MAP2: variants seen among roughly 807,000 people sequenced by gnomAD.
The protein encoded by MAP2 is microtubule-associated protein 2.
A neutral mutation model predicts 137.6 loss-of-function variants in MAP2; 14 were observed. That is an observed-to-expected ratio of 0.10 (90% CI 0.07 to 0.16). MAP2 has a LOEUF of 0.16. Among genes scored for constraint, MAP2 ranks in the 10% least tolerant of loss-of-function variants. The pLI is 1.00. For synonymous variants in MAP2, 786 were observed against 782.3 expected (o/e 1.00, Z -0.08); for missense variants, 2,088 against 2,191.5 (o/e 0.95, Z 0.94).
rs774107287 is a variant in MAP2, at chr2:209,653,316, C to G, written c.146C>G (p.Pro49Arg). Residue 49 changes from proline to arginine, a missense_variant, in exon 5 of 16, where the codon CCA becomes CGA. Coordinates refer to ENST00000682079, the MANE Select transcript of MAP2 (RefSeq NM_001375505.1). ...EGLVRSANGF[P>R]YREDEEGAFG... is the part of the protein sequence containing the mutation. Reference sequence around the variant, plus strand: ...CTTGTCCGAAGCGCCAATGGATTCCCATACAGGGAGGATGAAGAGGGTGCC... The same window carrying G: ...CTTGTCCGAAGCGCCAATGGATTCCGATACAGGGAGGATGAAGAGGGTGCC... The G allele has an allele frequency of 6.2e-7, 1 of 1,614,106 alleles. No homozygotes were observed. Among genetic ancestry groups the G allele is most frequent in the Non-Finnish European group, 8.5e-7 (1 of 1,180,016 alleles).
Position 209,715,952 on chromosome 2 carries a change from TC to T in MAP2, c.5073+5700del, listed in dbSNP as rs2067416168. ...TCCTCTCACTTTCTCTCATCCCATA[TC>T]CTAACCATCTGATTTTGTGCCCTGA... On this transcript the variant is annotated intron_variant, in intron 13 of 15. Coordinates refer to ENST00000682079, the MANE Select transcript of MAP2 (RefSeq NM_001375505.1). 2.0e-5 allele frequency among the ~76,000 whole-genome samples: 3 copies of T among 152,322 alleles called. No individual in the cohort carries two copies. In the South Asian group the frequency reaches 6.2e-4, roughly 32 times the overall value.
intron 5 of MAP2, among the ~76,000 whole-genome samples, chr2:209,665,012 CTG>C (rs2045663973): frequency 7.8e-6 from 1 of 127,654 alleles, no homozygotes; most frequent in Admixed American, 7.9e-5. Context: ...GAAAGGAAAA[CTG>C]AGAATGAAGA....
chr2:209,699,545 T>C (rs2061210427), intron 10 of MAP2, among the ~76,000 whole-genome samples: 2 of 152,150 alleles, frequency 1.3e-5, no homozygotes, highest in African/African-American at 4.8e-5. Context: ...GAGTTTAAAA[T>C]TGAATCCAGA....
intron 13 of MAP2, among the ~76,000 whole-genome samples, chr2:209,724,012 C>T (rs1271097151): frequency 1.3e-5 from 2 of 152,132 alleles, no homozygotes; most frequent in African/African-American, 4.8e-5. Flanking sequence ...TATTTTCTCA[C>T]GTTGTTTCTA....
intron 1 of MAP2, among the ~76,000 whole-genome samples, chr2:209,434,521 C>T (rs1009250040): frequency 1.6e-4 from 24 of 151,668 alleles, no homozygotes; most frequent in Non-Finnish European, 2.9e-4. Flanking sequence ...ATATAAGGAT[C>T]TTCCAGACTT....
chr2:209,560,410 C>A (rs1194504553), intron 2 of MAP2, among the ~76,000 whole-genome samples: 1 of 151,282 alleles, frequency 6.6e-6, no homozygotes, highest in Non-Finnish European at 1.5e-5. Context: ...CATATAACTT[C>A]TTTTATTTTC....
At chr2:209,722,028 A>T (rs567156567) in intron 13 of MAP2, 7 of 152,174 alleles carry the variant, frequency 4.6e-5, no homozygotes, top group Non-Finnish European at 7.3e-5. Flanking sequence ...AAATAAAATG[A>T]TTTGCCTTTA....
At chr2:209,459,349 C>T (rs1287030378) in intron 1 of MAP2, among the ~76,000 whole-genome samples, 1 of 152,186 alleles carries the variant, frequency 6.6e-6, no homozygotes, top group Non-Finnish European at 1.5e-5. Flanking sequence ...ATCTTAAGTG[C>T]TTGTCCAATG....
At chr2:209,546,067 C>A (rs937839041) in intron 2 of MAP2, among the ~76,000 whole-genome samples, 1 of 152,066 alleles carries the variant, frequency 6.6e-6, no homozygotes, top group African/African-American at 2.4e-5. Context: ...GGCGTGAACC[C>A]GGGAGGCAGA....
At chr2:209,543,941 A>G (rs113535199) in intron 2 of MAP2, among the ~76,000 whole-genome samples, 25 of 152,266 alleles carry the variant, frequency 1.6e-4, no homozygotes, top group African/African-American at 6.0e-4. Flanking sequence ...TAAAAAGGAA[A>G]AAAACAGGCC....
intron 2 of MAP2, among the ~76,000 whole-genome samples, chr2:209,573,356 C>T (rs1373320075): frequency 6.5e-4 from 94 of 143,830 alleles, no homozygotes; most frequent in African/African-American, 2.4e-3. Flanking sequence ...TGCAGTGGCA[C>T]GATCTCGGCT....
chr2:209,663,511 C>T (rs561934981), intron 5 of MAP2, among the ~76,000 whole-genome samples: 1 of 152,268 alleles, frequency 6.6e-6, no homozygotes, highest in African/African-American at 2.4e-5. Flanking sequence ...AAACATATGT[C>T]ATAGGTTGTC....
At chr2:209,447,815 A>G (rs1699434112) in intron 1 of MAP2, among the ~76,000 whole-genome samples, 2 of 152,058 alleles carry the variant, frequency 1.3e-5, no homozygotes, top group East Asian at 1.9e-4. Context: ...AGATAACTCC[A>G]TGCCCTAGCT....
At chr2:209,566,635 A>T (rs1433598351) in intron 2 of MAP2, among the ~76,000 whole-genome samples, 1 of 152,124 alleles carries the variant, frequency 6.6e-6, no homozygotes, top group Non-Finnish European at 1.5e-5. Flanking sequence ...TTTTCAAGTG[A>T]TGTACAAATA....
At chr2:209,495,219 C>A (rs781479854) in intron 1 of MAP2, among the ~76,000 whole-genome samples, 4 of 152,176 alleles carry the variant, frequency 2.6e-5, no homozygotes, top group African/African-American at 4.8e-5. Flanking sequence ...CATCTCCCGG[C>A]GACAGAGCAC....
chr2:209,678,824 TG>T, intron 6 of MAP2, 139 bp downstream of exon 6: 2 of 466,654 alleles, frequency 4.3e-6, no homozygotes, highest in Non-Finnish European at 3.8e-6. Context: ...TGACTGGGTA[TG>T]CACTAGGACC....
At position 209,696,702 on chromosome 2, in the gene MAP2, A is replaced by C; in HGVS notation, c.4341A>C (p.Lys1447Asn). 1 of 1,614,084 alleles carries C rather than the reference A, an allele frequency of 6.2e-7. No homozygotes were observed. Among genetic ancestry groups the C allele is most frequent in the East Asian group, 2.2e-5 (1 of 44,842 alleles). Residue 1447 changes from lysine to asparagine, a missense_variant, in exon 9 of 16, where the codon AAA becomes AAC. This residue lies in a region of MAP2 where 591 missense variants were observed against 642.6 expected (regional missense o/e 0.92). Coordinates refer to ENST00000682079, the MANE Select transcript of MAP2 (RefSeq NM_001375505.1). ...CCACTCCTGAAAGAAAAGTAGCTAA[A>C]AAGGAACCTAGCACAGTCTCCAGAG... is the stretch of plus-strand genomic sequence containing the variant. ...RISTPERKVA[K>N]KEPSTVSRDE...
chr2:209,706,207 A>G (rs944910074), intron 12 of MAP2, among the ~76,000 whole-genome samples: 6 of 152,180 alleles, frequency 3.9e-5, no homozygotes, highest in South Asian at 4.1e-4. Flanking sequence ...AGCATAGTCT[A>G]TGCAATAGGT....
intron 4 of MAP2, among the ~76,000 whole-genome samples, chr2:209,629,349 G>A (rs1196107077): frequency 6.6e-6 from 1 of 152,028 alleles, no homozygotes; most frequent in Non-Finnish European, 1.5e-5. Flanking sequence ...TTTTGTTGTT[G>A]TTGTTGTTTT....
Sources: gnomAD v4.1 joint callset for allele counts (sites outside exome capture counted in the v4.1 genomes callset) on GRCh38, gnomAD v4.1.1 for gene constraint, gnomAD v4.1.1 regional missense constraint, MANE v1.5 for transcripts, NCBI Gene and HGNC (gene_info 2026-07-23, HGNC 2026-07-21) for gene names.